THRB: variants seen among roughly 807,000 people sequenced by gnomAD.
THRB encodes the protein thyroid hormone receptor beta.
THRB carries 12 observed loss-of-function variants against 47.8 expected under a neutral mutation model. That is an observed-to-expected ratio of 0.25 (90% CI 0.16 to 0.41). The LOEUF (loss-of-function observed/expected upper bound fraction) is 0.41, where lower values mean the gene tolerates loss of function less well. Among genes scored for constraint, THRB ranks in the 10% least tolerant of loss-of-function variants. The pLI is 1.00. For synonymous variants in THRB, 218 were observed against 212.2 expected, an observed-to-expected ratio of 1.03 and a Z score of -0.24; for missense variants, 348 against 589.2, an observed-to-expected ratio of 0.59 and a Z score of 4.24.
At chr3:24,384,288 T>C (rs75790934) in intron 1 of THRB, among the ~76,000 whole-genome samples, 4,620 of 152,240 alleles carry the variant, frequency 0.03, 255 homozygotes, top group African/African-American at 0.11. Context: ...GGTATTGTTT[T>C]CAAGTTCTCT....
intron 1 of THRB, among the ~76,000 whole-genome samples, chr3:24,484,404 C>T (rs1348591647): frequency 1.3e-5 from 2 of 152,006 alleles, no homozygotes; most frequent in Non-Finnish European, 2.9e-5. Flanking sequence ...AAAATACACA[C>T]CAGATATCAA....
At chr3:24,277,599 T>C (rs781519134) in intron 3 of THRB, among the ~76,000 whole-genome samples, 7 of 152,154 alleles carry the variant, frequency 4.6e-5, no homozygotes, top group Non-Finnish European at 8.8e-5. Context: ...AAATCTAAAA[T>C]CTATGATTTA....
intron 5 of THRB, among the ~76,000 whole-genome samples, chr3:24,171,592 C>A (rs1201866853): frequency 6.6e-6 from 1 of 152,174 alleles, no homozygotes; most frequent in Non-Finnish European, 1.5e-5. Flanking sequence ...GTGACCCACT[C>A]CTGCTTTGAC....
At chr3:24,248,215 G>C (rs541736493) in intron 3 of THRB, among the ~76,000 whole-genome samples, 1 of 152,036 alleles carries the variant, frequency 6.6e-6, no homozygotes, top group Non-Finnish European at 1.5e-5. Flanking sequence ...CTGGGTAGGA[G>C]TATATACAAA....
chr3:24,165,747 T>G (rs1008599896), intron 5 of THRB, among the ~76,000 whole-genome samples: 6 of 152,226 alleles, frequency 3.9e-5, no homozygotes, highest in African/African-American at 1.4e-4. Context: ...CTGAAGCTGC[T>G]AAGATGCATT....
chr3:24,459,122 C>CA (rs949315495), intron 1 of THRB: 1 of 151,872 alleles, frequency 6.6e-6, no homozygotes, highest in East Asian at 1.9e-4. Flanking sequence ...CCCCACCCCC[C>CA]AACAGGCCCG....
intron 1 of THRB, among the ~76,000 whole-genome samples, chr3:24,437,658 T>C (rs2071101956): frequency 6.6e-6 from 1 of 152,028 alleles, no homozygotes; most frequent in Non-Finnish European, 1.5e-5. Context: ...TATTATATAT[T>C]AACAAAAAAG....
chr3:24,133,884 A>G (rs1036204813), intron 8 of THRB, among the ~76,000 whole-genome samples: 3 of 152,174 alleles, frequency 2.0e-5, no homozygotes, highest in Non-Finnish European at 4.4e-5. Flanking sequence ...GTGGGCAGTG[A>G]TAGAGCAGAG....
At chr3:24,236,679 C>T (rs980406358) in intron 3 of THRB, among the ~76,000 whole-genome samples, 3 of 152,122 alleles carry the variant, frequency 2.0e-5, no homozygotes, top group Admixed American at 6.6e-5. Flanking sequence ...TTTCCTCTTG[C>T]AAGGCTGAAT....
intron 1 of THRB, among the ~76,000 whole-genome samples, chr3:24,431,740 C>A (rs946480154): frequency 1.3e-5 from 2 of 151,950 alleles, no homozygotes; most frequent in African/African-American, 4.8e-5. Context: ...GAGGAAATAA[C>A]CCAAAAGTCT....
At chr3:24,480,588 G>A (rs1696211483) in intron 1 of THRB, among the ~76,000 whole-genome samples, 1 of 152,178 alleles carries the variant, frequency 6.6e-6, no homozygotes, top group Non-Finnish European at 1.5e-5. Flanking sequence ...TTGGCTCCAA[G>A]AAGGGACTCT....
intron 5 of THRB, among the ~76,000 whole-genome samples, chr3:24,177,676 G>C (rs2041344902): frequency 6.6e-6 from 1 of 152,192 alleles, no homozygotes; most frequent in Non-Finnish European, 1.5e-5. Context: ...AGGATGAGTA[G>C]AGAAAAAGGA....
chr3:24,336,722 C>CCTTTTTTTTTTTTTT (rs1167185445), intron 2 of THRB, among the ~76,000 whole-genome samples: 1 of 135,960 alleles, frequency 7.4e-6, no homozygotes. Context: ...AATTCTCATG[C>CCTTTTTTTTTTTTTT]TTTTTTTTTT....
At chr3:24,223,763 T>G (rs1030781861) in intron 4 of THRB, among the ~76,000 whole-genome samples, 4 of 151,876 alleles carry the variant, frequency 2.6e-5, no homozygotes, top group African/African-American at 9.7e-5. Context: ...TATATACTGT[T>G]TAAGATAGAA....
At chr3:24,385,960 G>A (rs1051750056) in intron 1 of THRB, among the ~76,000 whole-genome samples, 2 of 152,148 alleles carry the variant, frequency 1.3e-5, no homozygotes, top group African/African-American at 4.8e-5. Context: ...ATGACAGGAT[G>A]TACAATATGA....
At chr3:24,346,599 A>G (rs1577014635) in intron 1 of THRB, among the ~76,000 whole-genome samples, 1 of 152,156 alleles carries the variant, frequency 6.6e-6, no homozygotes, top group East Asian at 1.9e-4. Context: ...ACAATTTCAA[A>G]GAAAAAAAGG....
In THRB at chr3:24,245,678, C is replaced by T. The variant is rs138222499; in HGVS notation, c.-42-16677G>A. Among the ~76,000 whole-genome samples, 636 of 152,118 alleles carry T rather than the reference C, an allele frequency of 4.2e-3. 9 individuals carry two copies. The highest frequency in any genetic ancestry group is 0.013 in the African/African-American group (558 of 41,518). ...CTGTAATCCCAGCACTTTGGGAGAC[C>T]GAGGCGGGCAGATCACTTGAGGTCA... On this transcript the variant is annotated intron_variant, in intron 3 of 10. Coordinates refer to ENST00000646209, the MANE Select transcript of THRB (RefSeq NM_001354712.2).
intron 5 of THRB, among the ~76,000 whole-genome samples, chr3:24,159,188 C>A (rs1249443778): frequency 2.0e-5 from 3 of 152,202 alleles, no homozygotes; most frequent in African/African-American, 7.2e-5. Flanking sequence ...TGTGGGCTAG[C>A]AGCCCTTCAG....
chr3:24,171,191 G>A (rs189690940), intron 5 of THRB, among the ~76,000 whole-genome samples: 1 of 152,320 alleles, frequency 6.6e-6, no homozygotes, highest in East Asian at 1.9e-4. Context: ...CCACTGAAGT[G>A]CTGAAAGCAC....
Sources: gnomAD v4.1 joint callset for allele counts (sites outside exome capture counted in the v4.1 genomes callset) on GRCh38, gnomAD v4.1.1 for gene constraint, MANE v1.5 for transcripts, NCBI Gene and HGNC (gene_info 2026-07-23, HGNC 2026-07-21) for gene names.